The following SPEF2 variants were observed in gnomAD, a reference collection of about 807,000 sequenced individuals.
SPEF2 encodes the protein sperm flagellar and cilia associated 2.
Under a neutral mutation model 224.6 loss-of-function variants are expected in SPEF2, and 187 were observed. That is an observed-to-expected ratio of 0.83 (90% confidence interval 0.74 to 0.94). SPEF2 has a LOEUF of 0.94. Ranked by LOEUF, SPEF2 falls within the 40% of genes least tolerant of loss-of-function variation. SPEF2 has a pLI of 0.00. For missense variants in SPEF2, 2,170 were observed against 2,135.6 expected, an observed-to-expected ratio of 1.02 and a Z score of -0.32; for synonymous variants, 715 against 707.3, an observed-to-expected ratio of 1.01 and a Z score of -0.17.
At chr5:35,639,469 C>T (rs2149396491) in intron 2 of SPEF2, among the ~76,000 whole-genome samples, 1 of 152,182 alleles carries the variant, frequency 6.6e-6, no homozygotes, top group Middle Eastern at 3.4e-3. Context: ...TGCCAGGGCT[C>T]ATGATTTGGG....
chr5:35,790,245 C>G (rs1755770448), intron 30 of SPEF2: 1 of 660,188 alleles, frequency 1.5e-6, no homozygotes, highest in Non-Finnish European at 2.7e-6. Flanking sequence ...GTTGAATTCT[C>G]CAGACATTAA....
chr5:35,688,557 G>A (rs949171299), intron 10 of SPEF2, among the ~76,000 whole-genome samples: 11 of 151,958 alleles, frequency 7.2e-5, no homozygotes, highest in Admixed American at 7.2e-4. Context: ...TAGTACATAG[G>A]CTTTCTAGTA....
rs1259708839 is a variant in SPEF2, at chr5:35,779,093, C to T, written c.4218-24C>T. 18 of 1,562,550 alleles carry T rather than the reference C, an allele frequency of 1.2e-5. 1 individual carries two copies. In the East Asian group the frequency reaches 2.9e-4, roughly 25 times the overall value. ...CTAATAGTATCTTTCATGGGGTTAA[C>T]GCTATCCATTTTACCACTTTCAGTA... On this transcript the variant is annotated intron_variant, in intron 29 of 36. Transcript: ENST00000356031.
In SPEF2 at chr5:35,776,456, G is replaced by T. The variant is rs561293075; in HGVS notation, c.4217+61G>T. 340 of 1,520,660 alleles carry T rather than the reference G, an allele frequency of 2.2e-4. 6 individuals are homozygous for T. The South Asian group carries it at 3.5e-3, about 16-fold the overall frequency. 94.2% of individuals were successfully genotyped at this position (1,520,660 alleles called of 1,614,324 possible). On this transcript the variant is annotated intron_variant, in intron 29 of 36. Transcript: ENST00000356031. ...GTGTATTCTAAGTACCAAAATTGATGAAGATTTTTAAGGTATTTACAAATT... is the reference window on the plus strand; with the variant it reads ...GTGTATTCTAAGTACCAAAATTGATTAAGATTTTTAAGGTATTTACAAATT...
chr5:35,658,944 G>C (rs1749323605), intron 7 of SPEF2, 75 bp from the exon 8 acceptor site: 1 of 1,201,048 alleles, frequency 8.3e-7, no homozygotes, highest in Admixed American at 2.9e-5. Flanking sequence ...TTTGTATATT[G>C]TTTCTGTATA....
At chr5:35,715,164 G>A (rs6893432) in intron 20 of SPEF2, among the ~76,000 whole-genome samples, 114,230 of 151,910 alleles carry the variant, frequency 0.75, 43,302 homozygotes, top group Middle Eastern at 0.83. Context: ...CAATCTCCCC[G>A]CTTCAGCCTT....
chr5:35,657,055 G>GA (rs1188051525), intron 7 of SPEF2, among the ~76,000 whole-genome samples: 1 of 152,148 alleles, frequency 6.6e-6, no homozygotes, highest in Non-Finnish European at 1.5e-5. Flanking sequence ...TCCTCCAGAG[G>GA]AAAAATGGTA....
At chr5:35,774,057 T>A (rs1298845257) in intron 28 of SPEF2, 36 bp downstream of exon 28, 1 of 1,600,740 alleles carries the variant, frequency 6.2e-7, no homozygotes, top group African/African-American at 1.3e-5. Context: ...TGCTTTTCAG[T>A]AGAAAGGAGA....
chr5:35,721,028 A>G (rs1382447641), intron 20 of SPEF2, among the ~76,000 whole-genome samples: 1 of 152,222 alleles, frequency 6.6e-6, no homozygotes, highest in Non-Finnish European at 1.5e-5. Context: ...ATCCCTTTAC[A>G]AATTTTGCCA....
At chr5:35,800,541 G>A (rs1234800590) in intron 34 of SPEF2, among the ~76,000 whole-genome samples, 1 of 152,134 alleles carries the variant, frequency 6.6e-6, no homozygotes, top group Non-Finnish European at 1.5e-5. Context: ...CACATATATG[G>A]GGCTTGGTAG....
chr5:35,763,715 C>T lies in SPEF2; in HGVS notation c.3801+13C>T, dbSNP rs772249237. On this transcript the variant is annotated intron_variant, in intron 26 of 36. Coordinates refer to ENST00000356031, the MANE Select transcript of SPEF2 (RefSeq NM_024867.4). ...AGTATCTCACATGGTAAGCAGTGCT[C>T]GTTATATTTTCTGTTAGTAATACAC... 2.8e-5 allele frequency: 44 copies of T among 1,589,370 alleles called. No individual in the cohort carries two copies. The Middle Eastern group carries it at 6.8e-4, about 24-fold the overall frequency.
intron 33 of SPEF2, 132 bp from the exon 34 acceptor site, chr5:35,799,836 T>C: frequency 1.1e-6 from 1 of 876,064 alleles, no homozygotes; most frequent in Non-Finnish European, 1.8e-6. Flanking sequence ...ATTCATTATA[T>C]GTTAGCTTTA....
At chr5:35,693,365 T>C (rs1018809322) in intron 12 of SPEF2, among the ~76,000 whole-genome samples, 50 of 152,308 alleles carry the variant, frequency 3.3e-4, no homozygotes, top group African/African-American at 1.2e-3. Context: ...GTATGAAAAC[T>C]GTCGGCAGGC....
intron 20 of SPEF2, among the ~76,000 whole-genome samples, chr5:35,726,348 A>G (rs1744651333): frequency 6.6e-6 from 1 of 152,188 alleles, no homozygotes; most frequent in African/African-American, 2.4e-5. Flanking sequence ...AATTGATCAT[A>G]GAGTTATCAT....
chr5:35,674,582 G>A (rs964244923), intron 10 of SPEF2, among the ~76,000 whole-genome samples: 5 of 131,128 alleles, frequency 3.8e-5, no homozygotes, highest in African/African-American at 1.5e-4. Flanking sequence ...CTTTGTCCAT[G>A]TGTTCTCATT....
chr5:35,669,420 G>A (rs1268263552), intron 9 of SPEF2, among the ~76,000 whole-genome samples: 1 of 151,946 alleles, frequency 6.6e-6, no homozygotes, highest in Non-Finnish European at 1.5e-5. Flanking sequence ...GACCTTCCTG[G>A]AACCAACAAG....
At chr5:35,709,180 A>G (rs1344106074) in intron 19 of SPEF2, 59 bp downstream of exon 19, 1 of 1,587,796 alleles carries the variant, frequency 6.3e-7, no homozygotes, top group Non-Finnish European at 8.5e-7. Context: ...CTCAGTAAAG[A>G]ATTATAAATT....
At chr5:35,743,870 G>T (rs770323311) in intron 23 of SPEF2, among the ~76,000 whole-genome samples, 2 of 152,122 alleles carry the variant, frequency 1.3e-5, no homozygotes, top group Non-Finnish European at 2.9e-5. Context: ...TTCTGGCACT[G>T]TCTTTTTCAT....
chr5:35,660,846 G>T (rs1749593666), intron 8 of SPEF2, among the ~76,000 whole-genome samples: 1 of 152,162 alleles, frequency 6.6e-6, no homozygotes, highest in Non-Finnish European at 1.5e-5. Flanking sequence ...TTGAACTGGG[G>T]TTGAACTAAC....
Sources: gnomAD v4.1 joint callset for allele counts (sites outside exome capture counted in the v4.1 genomes callset) on GRCh38, gnomAD v4.1.1 for gene constraint, MANE v1.5 for transcripts, NCBI Gene and HGNC (gene_info 2026-07-23, HGNC 2026-07-21) for gene names.